The following SLC4A4 variants were observed in gnomAD, a reference collection of about 807,000 sequenced individuals.
SLC4A4 encodes the protein electrogenic sodium bicarbonate cotransporter 1.
In SLC4A4, 27 loss-of-function variants were observed where a neutral mutation model predicts 111.5. The ratio of observed to expected loss-of-function variants is 0.24; its 90% CI spans 0.18 to 0.33. The LOEUF (loss-of-function observed/expected upper bound fraction) is 0.33. Ranked by LOEUF, SLC4A4 falls within the 10% of genes least tolerant of loss-of-function variation. The pLI, the probability that SLC4A4 is intolerant of heterozygous loss-of-function variation, is 1.00. For missense variants in SLC4A4, 909 were observed against 1,315.5 expected, an observed-to-expected ratio of 0.69 and a Z score of 4.78; for synonymous variants, 443 against 463.4, an observed-to-expected ratio of 0.96 and a Z score of 0.57.
chr4:71,218,154 C>T (rs565553263), intron 1 of SLC4A4, among the ~76,000 whole-genome samples: 1 of 152,278 alleles, frequency 6.6e-6, no homozygotes, highest in South Asian at 2.1e-4. Context: ...TACTGAACAG[C>T]TCTTTAAGAA....
At chr4:71,362,003 T>C (rs536312117) in intron 6 of SLC4A4, among the ~76,000 whole-genome samples, 1 of 152,328 alleles carries the variant, frequency 6.6e-6, no homozygotes, top group African/African-American at 2.4e-5. Context: ...ATGTATTGTC[T>C]TATCCCAAAG....
chr4:71,556,805 ATTGTGATGGTCTAATTTACTT>A (rs1393650862), intron 21 of SLC4A4, among the ~76,000 whole-genome samples: 3 of 151,982 alleles, frequency 2.0e-5, no homozygotes, highest in African/African-American at 7.2e-5. Flanking sequence ...ACTAGAGAAG[ATTGTGATGGTCTAATTTACTT>A]TTGCACTTCT....
At chr4:71,320,205 C>G (rs1029557126) in intron 3 of SLC4A4, among the ~76,000 whole-genome samples, 4 of 151,994 alleles carry the variant, frequency 2.6e-5, no homozygotes, top group Non-Finnish European at 4.4e-5. Context: ...CTTAGGTATT[C>G]ATATTTAATA....
chr4:71,142,761 C>CTTTTTTTTTTTTTTT (rs34495804), intron 2 of SLC4A4, among the ~76,000 whole-genome samples: 1 of 78,038 alleles, frequency 1.3e-5, no homozygotes, highest in Non-Finnish European at 2.4e-5. Flanking sequence ...TTTTCTCACT[C>CTTTTTTTTTTTTTTT]TTTTTTTTTT....
intron 1 of SLC4A4, chr4:71,236,100 G>A (rs1719780607): frequency 9.9e-7 from 1 of 1,007,400 alleles, no homozygotes; most frequent in Admixed American, 5.2e-5. Flanking sequence ...TCTGCGTGTG[G>A]GTGGGTGTGC....
chr4:71,081,118 C>G (rs1344582404), intron 1 of SLC4A4, among the ~76,000 whole-genome samples: 1 of 151,966 alleles, frequency 6.6e-6, no homozygotes, highest in African/African-American at 2.4e-5. Context: ...CATAAACATG[C>G]CATTTTTTCA....
At chr4:71,243,078 A>G (rs1008911335) in intron 2 of SLC4A4, among the ~76,000 whole-genome samples, 12 of 152,196 alleles carry the variant, frequency 7.9e-5, no homozygotes, top group Non-Finnish European at 2.9e-5. Context: ...AGGGATATTA[A>G]CCATAATTGT....
chr4:71,197,503 A>G lies in SLC4A4; in HGVS notation c.-2+10102A>G, dbSNP rs187395222. Among the ~76,000 whole-genome samples the G allele has an allele frequency of 1.4e-3, 209 of 152,342 alleles. 1 individual carries two copies. Among genetic ancestry groups the G allele is most frequent in the African/African-American group, 4.5e-3 (189 of 41,568 alleles). On this transcript the variant is annotated intron_variant, in intron 1 of 25. Transcript: ENST00000264485. ...TTAAAAATGAATTGTTAGCAGTTTT[A>G]TAAATAACTTTTTGTTTTTAAACAC...
At chr4:71,314,995 T>A (rs1354757627) in intron 3 of SLC4A4, among the ~76,000 whole-genome samples, 1 of 152,174 alleles carries the variant, frequency 6.6e-6, no homozygotes, top group African/African-American at 2.4e-5. Flanking sequence ...CTGCAGTGCG[T>A]ACTCATAAGG....
intron 1 of SLC4A4, among the ~76,000 whole-genome samples, chr4:71,090,692 G>A (rs188351875): frequency 1.3e-5 from 2 of 152,284 alleles, no homozygotes; most frequent in East Asian, 1.9e-4. Flanking sequence ...AGAAACAAGG[G>A]TTGTTCTTTG....
intron 1 of SLC4A4, among the ~76,000 whole-genome samples, chr4:71,212,275 A>G (rs548425600): frequency 1.3e-5 from 2 of 152,262 alleles, no homozygotes; most frequent in East Asian, 3.9e-4. Context: ...TGGGCTGTTC[A>G]CTGAGCTTAG....
At position 71,121,122 on chromosome 4, in the gene SLC4A4, C is replaced by T. The variant is rs566496105; in HGVS notation, c.-2+28330C>T. Among the ~76,000 whole-genome samples the T allele has an allele frequency of 1.3e-3, 199 of 152,240 alleles. 1 individual carries two copies. In the South Asian group the frequency reaches 0.014, roughly 11 times the overall value. On this transcript the variant is annotated intron_variant, in intron 2 of 26. Coordinates refer to the SLC4A4 transcript ENST00000649996. Reference sequence around the variant, plus strand: ...GGTCCCCCAGTAGGGCTGGCTGGCCCGCCGCACTCGAATTCTTGCAGGGCC... The same window carrying T: ...GGTCCCCCAGTAGGGCTGGCTGGCCTGCCGCACTCGAATTCTTGCAGGGCC...
chr4:71,473,943 C>A (rs769645607), intron 14 of SLC4A4, among the ~76,000 whole-genome samples: 4 of 151,548 alleles, frequency 2.6e-5, no homozygotes, highest in Non-Finnish European at 4.4e-5. Flanking sequence ...CTGTATTATT[C>A]TTTGTACAGC....
intron 1 of SLC4A4, among the ~76,000 whole-genome samples, chr4:71,082,923 G>A (rs183885635): frequency 9.2e-5 from 14 of 151,424 alleles, no homozygotes; most frequent in Non-Finnish European, 1.5e-4. Context: ...ACAGGATCGC[G>A]GCTCACTGTA....
chr4:71,485,003 T>C (rs1186873045), intron 14 of SLC4A4, among the ~76,000 whole-genome samples: 1 of 151,914 alleles, frequency 6.6e-6, no homozygotes, highest in African/African-American at 2.4e-5. Context: ...CCTGGGACTT[T>C]GCTGAAGTTA....
intron 1 of SLC4A4, among the ~76,000 whole-genome samples, chr4:71,079,463 G>T (rs980052897): frequency 2.6e-5 from 4 of 152,126 alleles, no homozygotes. Context: ...ATGATGACAG[G>T]ATTCAAATTT....
intron 3 of SLC4A4, among the ~76,000 whole-genome samples, chr4:71,313,202 C>A (rs968532447): frequency 6.6e-6 from 1 of 152,156 alleles, no homozygotes; most frequent in South Asian, 2.1e-4. Flanking sequence ...AATAAAATAC[C>A]GAGGAATACA....
intron 6 of SLC4A4, among the ~76,000 whole-genome samples, chr4:71,377,043 CT>C (rs1212038058): frequency 1.3e-5 from 2 of 152,090 alleles, no homozygotes; most frequent in African/African-American, 4.8e-5. Context: ...AGATATACGA[CT>C]TATGTTAACA....
At chr4:71,086,213 A>T (rs1179707524) in intron 1 of SLC4A4, among the ~76,000 whole-genome samples, 13 of 151,384 alleles carry the variant, frequency 8.6e-5, no homozygotes, top group Non-Finnish European at 1.6e-4. Flanking sequence ...TTTGTCTGTT[A>T]TTGGTGTATA....
Sources: gnomAD v4.1 joint callset for allele counts (sites outside exome capture counted in the v4.1 genomes callset) on GRCh38, gnomAD v4.1.1 for gene constraint, MANE v1.5 for transcripts, NCBI Gene and HGNC (gene_info 2026-07-23, HGNC 2026-07-21) for gene names.